Variants in ENOX1 observed in about 807,000 individuals in gnomAD.
The protein encoded by ENOX1 is candidate growth-related and time keeping constitutive hydroquinone (NADH) oxidase.
ENOX1 carries 42 observed loss-of-function variants against 82.5 expected under a neutral mutation model. The observed-to-expected ratio is 0.51, with a 90% CI of 0.40 to 0.66. ENOX1 has a LOEUF of 0.66. Ranked by LOEUF, ENOX1 falls within the 30% of genes least tolerant of loss-of-function variation. ENOX1 has a pLI of 0.00. For missense variants in ENOX1, 608 were observed against 811.6 expected (o/e 0.75, Z 3.05); for synonymous variants, 271 against 282.2 (o/e 0.96, Z 0.40).
At chr13:43,284,949 G>C (rs182873543) in intron 12 of ENOX1, among the ~76,000 whole-genome samples, 2 of 152,162 alleles carry the variant, frequency 1.3e-5, no homozygotes, top group East Asian at 3.9e-4. Flanking sequence ...GAGAGTCAGA[G>C]ACACAGAGAG....
At position 43,249,195 on chromosome 13, in the gene ENOX1, C is replaced by A. The variant is rs147380864; in HGVS notation, c.1612-12457G>T. Among the ~76,000 whole-genome samples, 394 of 152,134 alleles carry A rather than the reference C, an allele frequency of 2.6e-3. 5 individuals carry two copies. Among genetic ancestry groups the A allele is most frequent in the Non-Finnish European group, 3.4e-3 (230 of 67,998 alleles). On this transcript the variant is annotated intron_variant, in intron 14 of 16. Transcript: ENST00000690772. ...AAAAAAATTCCTTTGTATCCAGTAA[C>A]CCCATTCATTATTTAAACTGTTGTA...
At chr13:43,360,458 G>A (rs1002333743) in intron 6 of ENOX1, among the ~76,000 whole-genome samples, 7 of 152,000 alleles carry the variant, frequency 4.6e-5, no homozygotes, top group African/African-American at 1.2e-4. Context: ...ATAAAGGAGC[G>A]GCAAAACAGA....
chr13:43,291,795 A>G (rs990340539), intron 12 of ENOX1, among the ~76,000 whole-genome samples: 2 of 152,234 alleles, frequency 1.3e-5, no homozygotes, highest in South Asian at 2.1e-4. Flanking sequence ...CAATTAAAAT[A>G]TCTGTCAATG....
At chr13:43,298,663 C>G (rs4456400) in intron 11 of ENOX1, 133 bp from the exon 12 acceptor site, 1 of 700,538 alleles carries the variant, frequency 1.4e-6, no homozygotes, top group Non-Finnish European at 2.3e-6. Context: ...CAAAATGCCA[C>G]TCCCTGGGCC....
intron 11 of ENOX1, among the ~76,000 whole-genome samples, chr13:43,309,544 C>G (rs1339098324): frequency 2.0e-5 from 3 of 152,186 alleles, no homozygotes; most frequent in Non-Finnish European, 4.4e-5. Context: ...TTTCGGAATT[C>G]TCAATATTTC....
intron 9 of ENOX1, among the ~76,000 whole-genome samples, chr13:43,338,979 C>T (rs1401476025): frequency 6.6e-6 from 1 of 152,156 alleles, no homozygotes. Context: ...GCCACCGTGC[C>T]CGGCCTCGGG....
At chr13:43,498,667 A>T (rs9594962) in intron 2 of ENOX1, among the ~76,000 whole-genome samples, 31,645 of 151,944 alleles carry the variant, frequency 0.21, 3,743 homozygotes, top group Middle Eastern at 0.28. Context: ...AATAATTAGA[A>T]CATCTAGTTA....
chr13:43,581,082 A>G lies in ENOX1; in HGVS notation c.-219+86397T>C, dbSNP rs934450297. Among the ~76,000 whole-genome samples, 5 of 147,670 alleles carry G rather than the reference A, an allele frequency of 3.4e-5. No individual in the cohort carries two copies. In the South Asian group the frequency reaches 8.7e-4, roughly 26 times the overall value. On this transcript the variant is annotated intron_variant, in intron 2 of 16. Transcript: ENST00000690772. Reference sequence around the variant, plus strand: ...CCTAAACATAGAGCAAAATGGAGAGATACTCAGGTATCTGACCTAAGTTAT... The same window carrying G: ...CCTAAACATAGAGCAAAATGGAGAGGTACTCAGGTATCTGACCTAAGTTAT...
Position 43,716,037 on chromosome 13 carries a change from C to T in ENOX1, c.-284-48493G>A, listed in dbSNP as rs138368856. ...GTAGCTCGGAATAGTTTGATCATCTCTGAAGCCTTCTTCTCTCAACTCATC... is the reference window on the plus strand; with the variant it reads ...GTAGCTCGGAATAGTTTGATCATCTTTGAAGCCTTCTTCTCTCAACTCATC... On this transcript the variant is annotated intron_variant, in intron 1 of 16. Coordinates refer to ENST00000690772, the MANE Select transcript of ENOX1 (RefSeq NM_001347969.2). 2.8e-3 allele frequency among the ~76,000 whole-genome samples: 431 copies of T among 152,344 alleles called. 3 individuals carry two copies. Among genetic ancestry groups the T allele is most frequent in the East Asian group, 0.022 (116 of 5,178 alleles).
chr13:43,429,641 C>G (rs2055542128), intron 3 of ENOX1, among the ~76,000 whole-genome samples: 1 of 152,156 alleles, frequency 6.6e-6, no homozygotes, highest in African/African-American at 2.4e-5. Context: ...GATATGTAAT[C>G]TGCTGTTGGA....
chr13:43,445,325 G>A lies in ENOX1; in HGVS notation c.-74-32337C>T, dbSNP rs111747346. Among the ~76,000 whole-genome samples the A allele has an allele frequency of 2.7e-3, 412 of 151,924 alleles. 3 individuals are homozygous for A. Among genetic ancestry groups the A allele is most frequent in the Middle Eastern group, 0.01 (3 of 294 alleles). On this transcript the variant is annotated intron_variant, in intron 3 of 16. Transcript: ENST00000690772. Reference sequence around the variant, plus strand: ...TTTTTAGTAGAGATGGGGTTTCACCGTGTTAGCCAGGATGGTCTTGATCTC... The same window carrying A: ...TTTTTAGTAGAGATGGGGTTTCACCATGTTAGCCAGGATGGTCTTGATCTC...
intron 5 of ENOX1, among the ~76,000 whole-genome samples, chr13:43,393,586 G>GTGGA (rs35153723): frequency 2.8e-4 from 42 of 151,808 alleles, no homozygotes; most frequent in African/African-American, 9.2e-4. Context: ...CGACAGGTGG[G>GTGGA]TGGATGGATG....
At chr13:43,330,283 T>C (rs2048344918) in intron 9 of ENOX1, among the ~76,000 whole-genome samples, 1 of 152,248 alleles carries the variant, frequency 6.6e-6, no homozygotes, top group Non-Finnish European at 1.5e-5. Context: ...ATAGAAGTTG[T>C]GCTGCAGGCA....
intron 3 of ENOX1, among the ~76,000 whole-genome samples, chr13:43,434,466 TA>T (rs772571313): frequency 2.6e-4 from 40 of 152,162 alleles, no homozygotes; most frequent in Non-Finnish European, 2.5e-4. Context: ...TCTCTCTTTT[TA>T]GGCTCATATA....
chr13:43,583,673 C>A (rs2080848982), intron 2 of ENOX1, among the ~76,000 whole-genome samples: 1 of 152,184 alleles, frequency 6.6e-6, no homozygotes, highest in African/African-American at 2.4e-5. Flanking sequence ...TGCTGAACAA[C>A]CAAAATGCTA....
intron 2 of ENOX1, among the ~76,000 whole-genome samples, chr13:43,625,428 A>G (rs1259116175): frequency 6.6e-6 from 1 of 152,036 alleles, no homozygotes; most frequent in Non-Finnish European, 1.5e-5. Flanking sequence ...TTGAAGAGAA[A>G]GCATTCAGCC....
At chr13:43,418,137 A>G (rs2054744058) in intron 3 of ENOX1, among the ~76,000 whole-genome samples, 1 of 151,868 alleles carries the variant, frequency 6.6e-6, no homozygotes, top group Admixed American at 6.6e-5. Context: ...TGAACCCGGG[A>G]GGCAGAGGTT....
intron 1 of ENOX1, among the ~76,000 whole-genome samples, chr13:43,670,832 G>A (rs2085227230): frequency 6.7e-6 from 1 of 149,760 alleles, no homozygotes; most frequent in South Asian, 2.1e-4. Context: ...AACAGAGTGA[G>A]AGTCTATCTC....
At chr13:43,630,367 C>T (rs909011989) in intron 2 of ENOX1, among the ~76,000 whole-genome samples, 12 of 152,246 alleles carry the variant, frequency 7.9e-5, no homozygotes, top group African/African-American at 1.9e-4. Flanking sequence ...AGTCCTTAAA[C>T]CCTACTTTCA....
Sources: gnomAD v4.1 joint callset for allele counts (sites outside exome capture counted in the v4.1 genomes callset) on GRCh38, gnomAD v4.1.1 for gene constraint, MANE v1.5 for transcripts, NCBI Gene and HGNC (gene_info 2026-07-23, HGNC 2026-07-21) for gene names.